Variants in TG observed in about 807,000 individuals in gnomAD.
The protein encoded by TG is thyroid hormones.
A neutral mutation model predicts 324.7 loss-of-function variants in TG; 270 were observed. That is an observed-to-expected ratio of 0.83 (90% CI 0.75 to 0.92). The LOEUF is 0.92. Among genes scored for constraint, TG ranks in the 40% least tolerant of loss-of-function variants. TG has a pLI of 0.00. For synonymous variants in TG, 1,401 were observed against 1,327.0 expected (o/e 1.06, Z -1.21); for missense variants, 3,591 against 3,456.4 (o/e 1.04, Z -0.98).
At chr8:132,960,773 A>G (rs1827630257) in intron 27 of TG, among the ~76,000 whole-genome samples, 1 of 152,148 alleles carries the variant, frequency 6.6e-6, no homozygotes. Context: ...ACAACCCCTC[A>G]TGGAAGTAGT....
chr8:132,990,315 T>C (rs552895089), intron 35 of TG, among the ~76,000 whole-genome samples: 2 of 152,190 alleles, frequency 1.3e-5, no homozygotes, highest in East Asian at 3.9e-4. Context: ...TATAATAATT[T>C]TACACATTTA....
chr8:132,973,752 C>T (rs1564025015), intron 34 of TG, among the ~76,000 whole-genome samples: 1 of 152,100 alleles, frequency 6.6e-6, no homozygotes, highest in Non-Finnish European at 1.5e-5. Context: ...CAAAGATGTC[C>T]CAGATCCAAA....
intron 38 of TG, among the ~76,000 whole-genome samples, chr8:133,019,369 C>T (rs1587777364): frequency 6.6e-6 from 1 of 152,250 alleles, no homozygotes; most frequent in African/African-American, 2.4e-5. Flanking sequence ...GGTGCATTGT[C>T]TCTGGGGAAT....
chr8:132,956,657 G>T (rs1826918361), intron 27 of TG, among the ~76,000 whole-genome samples: 1 of 152,212 alleles, frequency 6.6e-6, no homozygotes, highest in Non-Finnish European at 1.5e-5. Context: ...ATTAGGGCAT[G>T]AGGCTGCTCA....
intron 41 of TG, among the ~76,000 whole-genome samples, chr8:133,076,965 A>T (rs890210742): frequency 6.6e-6 from 1 of 152,126 alleles, no homozygotes; most frequent in African/African-American, 2.4e-5. Context: ...GTCCTATGGG[A>T]AAGACTGAAT....
At chr8:132,878,978 C>T (rs1259723116) in intron 5 of TG, among the ~76,000 whole-genome samples, 1 of 152,180 alleles carries the variant, frequency 6.6e-6, no homozygotes, top group African/African-American at 2.4e-5. Context: ...AGTAGTTTGA[C>T]TTCTTTTGGT....
At chr8:132,870,390 G>A (rs1314569017) in intron 3 of TG, among the ~76,000 whole-genome samples, 1 of 146,336 alleles carries the variant, frequency 6.8e-6, no homozygotes, top group Non-Finnish European at 1.5e-5. Context: ...GTTGTCATGG[G>A]GGCACGCTGG....
intron 35 of TG, among the ~76,000 whole-genome samples, chr8:132,990,312 A>T (rs1450830684): frequency 1.3e-5 from 2 of 152,066 alleles, no homozygotes; most frequent in Non-Finnish European, 2.9e-5. Flanking sequence ...ACATATAATA[A>T]TTTTACACAT....
intron 22 of TG, among the ~76,000 whole-genome samples, chr8:132,924,547 C>G (rs1014970018): frequency 6.6e-6 from 1 of 152,224 alleles, no homozygotes. Context: ...GTATTGAGCT[C>G]TACCCTGTAC....
chr8:133,034,227 A>G (rs912168396), intron 41 of TG, among the ~76,000 whole-genome samples: 84 of 152,252 alleles, frequency 5.5e-4, no homozygotes, highest in African/African-American at 1.8e-3. Flanking sequence ...CTACATTGTA[A>G]TGGTGTTAAG....
rs747685482 is a variant in TG at position 133,133,481 on chromosome 8, A to G, written c.8009A>G (p.Tyr2670Cys). Residue 2670 changes from tyrosine to cysteine, a missense_variant, in exon 47 of 48, where the codon TAC (tyrosine) becomes TGC (cysteine). Coordinates refer to ENST00000220616, the MANE Select transcript of TG (RefSeq NM_003235.5). ...TCTCATTTGCCCAGAAATCCCAACTACCCTTATGAGTTCTCACGGAAAGTA... is the reference window on the plus strand; with the variant it reads ...TCTCATTTGCCCAGAAATCCCAACTGCCCTTATGAGTTCTCACGGAAAGTA... ...SHFIRSGNPN[Y>C]PYEFSRKVPT... 5 of 1,613,942 alleles carry G rather than the reference A, an allele frequency of 3.1e-6. No homozygotes were observed. The highest frequency in any genetic ancestry group is 3.4e-6 in the Non-Finnish European group (4 of 1,180,012).
intron 43 of TG, among the ~76,000 whole-genome samples, chr8:133,110,807 C>A (rs1850191972): frequency 6.6e-6 from 1 of 152,192 alleles, no homozygotes. Context: ...AGAGCTGGAA[C>A]CCAAATCTGG....
intron 20 of TG, among the ~76,000 whole-genome samples, chr8:132,917,640 G>T (rs751477589): frequency 1.3e-5 from 2 of 151,992 alleles, no homozygotes; most frequent in Non-Finnish European, 2.9e-5. Flanking sequence ...ACCATGGAAG[G>T]ATTTTAAGCT....
Position 132,887,438 on chromosome 8 carries a change from G to T in TG, c.2066G>T (p.Ser689Ile). 1 of 1,614,190 alleles carries T rather than the reference G, an allele frequency of 6.2e-7. No individual in the cohort carries two copies. The highest frequency in any genetic ancestry group is 2.2e-5 in the East Asian group (1 of 44,876). Residue 689 changes from serine (S) to isoleucine (I), a missense_variant, in exon 9 of 48, where the codon AGT (serine) becomes ATT (isoleucine). Ser to Ile is a moderately radical substitution (Grantham distance 142, BLOSUM62 -2). Transcript: ENST00000220616. ...GSTLFVPACT[S>I]EGHFLPVQCF... is the part of the protein sequence containing the mutation. ...ACCTTGTTTGTCCCTGCTTGTACTA[G>T]TGAGGGACATTTCCTGCCTGTCCAG...
At chr8:132,951,972 A>T (rs1296504530) in intron 27 of TG, among the ~76,000 whole-genome samples, 2 of 152,154 alleles carry the variant, frequency 1.3e-5, no homozygotes, top group Non-Finnish European at 2.9e-5. Flanking sequence ...GATTTGAAAG[A>T]ACATAGGGGG....
chr8:132,874,796 T>A (rs1397484379), intron 5 of TG, among the ~76,000 whole-genome samples: 2 of 152,232 alleles, frequency 1.3e-5, no homozygotes, highest in Admixed American at 6.5e-5. Flanking sequence ...TCTGAATTTC[T>A]GATTTTAAAG....
chr8:133,079,621 G>A (rs1845443883), intron 41 of TG, among the ~76,000 whole-genome samples: 2 of 152,220 alleles, frequency 1.3e-5, no homozygotes, highest in East Asian at 3.9e-4. Flanking sequence ...GCCCCATGCT[G>A]GGTCAGAGTC....
rs1490694180 is a variant in TG, at chr8:132,897,665, G to C, written c.3018G>C (p.Gln1006His). The C allele has an allele frequency of 1.2e-6, 2 of 1,614,082 alleles. No individual in the cohort carries two copies. Among genetic ancestry groups the C allele is most frequent in the Admixed American group, 3.3e-5 (2 of 60,006 alleles). The change falls in exon 12 of 48, where the codon CAG becomes CAC. Residue 1006 changes from glutamine (Q) to histidine (H), a missense_variant. Transcript: ENST00000220616. The part of the protein sequence containing the change: ...LAAQSTLSFY[Q>H]RRRFSPDDSA... ...TGACTCCAGCCTTAAGCTTCTATCA[G>C]AGACGCCGCTTTTCCCCGGACGACT... is the stretch of plus-strand genomic sequence containing the variant.
intron 35 of TG, among the ~76,000 whole-genome samples, chr8:132,997,040 G>C (rs1053910098): frequency 6.6e-6 from 1 of 152,222 alleles, no homozygotes; most frequent in Non-Finnish European, 1.5e-5. Context: ...CCTAGATGGA[G>C]TGTGTTTGCT....
Sources: allele counts gnomAD v4.1 joint callset (sites outside exome capture counted in the v4.1 genomes callset), GRCh38; gene constraint gnomAD v4.1.1; transcripts MANE v1.5; gene names NCBI Gene and HGNC (gene_info 2026-07-23, HGNC 2026-07-21).